Variants in FREM1 observed in about 807,000 individuals in gnomAD.
The protein encoded by FREM1 is FRAS1 related extracellular matrix 1, also known as FRAS1-related extracellular matrix protein 1.
Under a neutral mutation model 210.1 loss-of-function variants are expected in FREM1, and 220 were observed. The observed-to-expected ratio is 1.05, with a 90% CI of 0.94 to 1.17. The LOEUF is 1.17. Among genes scored for constraint, FREM1 ranks in the 50% most tolerant of loss-of-function variants. The pLI is 0.00. For synonymous variants in FREM1, 1,189 were observed against 980.2 expected (o/e 1.21, Z -3.98); for missense variants, 3,454 against 2,675.5 (o/e 1.29, Z -6.42).
chr9:14,774,814 C>A (rs1364376061), intron 25 of FREM1, among the ~76,000 whole-genome samples: 3 of 152,116 alleles, frequency 2.0e-5, no homozygotes, highest in Non-Finnish European at 4.4e-5. Context: ...AGAAAGGACA[C>A]AGAATTTGGG....
intron 5 of FREM1, among the ~76,000 whole-genome samples, chr9:14,857,255 A>C (rs994789335): frequency 5.9e-5 from 9 of 152,176 alleles, no homozygotes; most frequent in African/African-American, 2.2e-4. Flanking sequence ...CAAGCTGAAG[A>C]GTATTGGGAG....
intron 34 of FREM1, among the ~76,000 whole-genome samples, 170 bp downstream of exon 34, chr9:14,746,753 G>C (rs188122871): frequency 6.6e-6 from 1 of 152,214 alleles, no homozygotes; most frequent in East Asian, 1.9e-4. Context: ...CATATTTTGT[G>C]ATTTTTAAAA....
chr9:14,762,481 G>A (rs1386650386), intron 27 of FREM1, among the ~76,000 whole-genome samples: 2 of 152,126 alleles, frequency 1.3e-5, no homozygotes, highest in East Asian at 3.8e-4. Flanking sequence ...ACCATTCAGA[G>A]GGCTGTTCAG....
chr9:14,747,600 TA>T, intron 32 of FREM1, 80 bp downstream of exon 32: 9 of 1,040,128 alleles, frequency 8.7e-6, no homozygotes, highest in Non-Finnish European at 1.1e-5. Flanking sequence ...TGTATAAATA[TA>T]AAAAATATAA....
chr9:14,856,870 A>G (rs1252742777), intron 5 of FREM1, among the ~76,000 whole-genome samples: 1 of 151,600 alleles, frequency 6.6e-6, no homozygotes, highest in East Asian at 1.9e-4. Context: ...CAGCTGTTTC[A>G]GCAGGTGCAG....
chr9:14,744,253 G>A (rs1343866304), intron 35 of FREM1, among the ~76,000 whole-genome samples: 2 of 151,760 alleles, frequency 1.3e-5, no homozygotes, highest in Non-Finnish European at 2.9e-5. Context: ...AAAAATCTGG[G>A]TATAATTTAC....
chr9:14,824,553 C>T (rs1264439028), intron 11 of FREM1, among the ~76,000 whole-genome samples: 1 of 152,092 alleles, frequency 6.6e-6, no homozygotes, highest in African/African-American at 2.4e-5. Context: ...GGATTAAAGA[C>T]TGTTTTAAGC....
At chr9:14,786,903 G>A (rs1253325106) in intron 23 of FREM1, among the ~76,000 whole-genome samples, 4 of 152,162 alleles carry the variant, frequency 2.6e-5, no homozygotes, top group East Asian at 1.9e-4. Context: ...AAGCACCCAC[G>A]AGAGGTTTCA....
Position 14,864,525 on chromosome 9 carries a change from G to C in FREM1, c.235-622C>G, listed in dbSNP as rs191754814. 3.9e-5 allele frequency among the ~76,000 whole-genome samples: 6 copies of C among 152,270 alleles called. 1 individual carries two copies. Among genetic ancestry groups the C allele is most frequent in the African/African-American group, 1.4e-4 (6 of 41,562 alleles). On this transcript the variant is annotated intron_variant, in intron 2 of 36. Coordinates refer to ENST00000380880, the MANE Select transcript of FREM1 (RefSeq NM_001379081.2). ...AGGCAATAGCAGAAATGGCAGATGA[G>C]AAAAACAGAAATCTAAAAGCAATTT...
intron 1 of FREM1, among the ~76,000 whole-genome samples, chr9:14,903,593 T>C (rs1459714450): frequency 1.3e-5 from 2 of 152,184 alleles, no homozygotes; most frequent in African/African-American, 4.8e-5. Context: ...CTTCCTCCGA[T>C]TGCAGGAGAA....
intron 10 of FREM1, among the ~76,000 whole-genome samples, chr9:14,831,539 G>C (rs1303105352): frequency 6.6e-6 from 1 of 152,128 alleles, no homozygotes; most frequent in Non-Finnish European, 1.5e-5. Context: ...TTCCTTTAAG[G>C]CACCTATTTT....
At chr9:14,896,396 T>C (rs1289098248) in intron 1 of FREM1, among the ~76,000 whole-genome samples, 2 of 151,900 alleles carry the variant, frequency 1.3e-5, no homozygotes, top group East Asian at 3.9e-4. Context: ...ATACAAAAAT[T>C]AGCTGGGAGT....
chr9:14,770,800 G>A lies in FREM1; in HGVS notation c.4864C>T (p.Gln1622Ter). The change falls in exon 26 of 37, where the codon CAA (glutamine) becomes TAA (stop). Residue 1622 changes from glutamine (Q) to a stop codon, truncating the protein, a stop_gained. Transcript: ENST00000380880. LOFTEE classifies it high-confidence loss of function. ...ATACGAGGAGCTGTTTTGTCCAATTGGTCTACCTGGATCATCAACAATGAC... is the reference window on the plus strand; with the variant it reads ...ATACGAGGAGCTGTTTTGTCCAATTAGTCTACCTGGATCATCAACAATGAC... ...EPVLFTIQVD[Q>*]LDKTAPRITL... 1 of 1,610,150 alleles carries A rather than the reference G, an allele frequency of 6.2e-7. No homozygotes were observed. The highest frequency in any genetic ancestry group is 1.1e-5 in the South Asian group (1 of 90,530).
chr9:14,906,384 G>C (rs1817702345), intron 1 of FREM1, among the ~76,000 whole-genome samples: 2 of 152,080 alleles, frequency 1.3e-5, no homozygotes, highest in Non-Finnish European at 2.9e-5. Flanking sequence ...TGCTTATTGG[G>C]TAATATAGAA....
intron 1 of FREM1, among the ~76,000 whole-genome samples, chr9:14,879,981 T>C (rs757073286): frequency 1.3e-5 from 2 of 152,150 alleles, no homozygotes; most frequent in Non-Finnish European, 2.9e-5. Context: ...AAGCCCTGAT[T>C]TCCAATGTGA....
intron 36 of FREM1, among the ~76,000 whole-genome samples, chr9:14,738,565 G>C (rs1387329260): frequency 6.7e-6 from 1 of 149,010 alleles, no homozygotes; most frequent in Non-Finnish European, 1.5e-5. Context: ...GTTCATTTCA[G>C]AATTTAGGGA....
rs965429229 is a variant in FREM1 at position 14,835,526 on chromosome 9, T to C, written c.1881+5921A>G. Among the ~76,000 whole-genome samples, 5 of 152,200 alleles carry C rather than the reference T, an allele frequency of 3.3e-5. No homozygotes were observed. The South Asian group carries it at 6.2e-4, about 19-fold the overall frequency. The stretch of plus-strand genomic sequence containing the variant: ...CTTAGGGAGAACTGGCCTACCACCT[T>C]GTCTATACAGTTCCTAACCTGTGGT... On this transcript the variant is annotated intron_variant, in intron 10 of 36. Coordinates refer to ENST00000380880, the MANE Select transcript of FREM1 (RefSeq NM_001379081.2).
chr9:14,743,309 A>T (rs1280706583), intron 35 of FREM1, among the ~76,000 whole-genome samples: 1 of 152,098 alleles, frequency 6.6e-6, no homozygotes, highest in Non-Finnish European at 1.5e-5. Context: ...CACCAATAGA[A>T]CCTAGTCACA....
chr9:14,832,344 T>G (rs9792612), intron 10 of FREM1, among the ~76,000 whole-genome samples: 5 of 151,718 alleles, frequency 3.3e-5, no homozygotes, highest in African/African-American at 9.7e-5. Flanking sequence ...ACTTAGGTAT[T>G]TGACCGTACA....
Sources: allele counts gnomAD v4.1 joint callset (sites outside exome capture counted in the v4.1 genomes callset), GRCh38; gene constraint gnomAD v4.1.1; transcripts MANE v1.5; gene names NCBI Gene and HGNC (gene_info 2026-07-23, HGNC 2026-07-21).